TGFBR2: variants seen among roughly 807,000 people sequenced by gnomAD.
TGFBR2 encodes TGF-beta receptor type-2.
A neutral mutation model predicts 49.0 loss-of-function variants in TGFBR2; 18 were observed. The observed-to-expected ratio is 0.37, with a 90% CI of 0.25 to 0.54. TGFBR2 has a LOEUF of 0.54. TGFBR2 is among the 20% of genes least tolerant of loss of function. The pLI, the probability that TGFBR2 is intolerant of heterozygous loss-of-function variation, is 0.85. For synonymous variants in TGFBR2, 282 were observed against 275.9 expected (o/e 1.02, Z -0.22); for missense variants, 525 against 722.6 (o/e 0.73, Z 3.13).
intron 1 of TGFBR2, among the ~76,000 whole-genome samples, chr3:30,628,937 C>T (rs1056503054): frequency 3.9e-5 from 6 of 152,146 alleles, no homozygotes; most frequent in Non-Finnish European, 5.9e-5. Flanking sequence ...TAATACGAGA[C>T]TCATTCCTTA....
Position 30,672,180 on chromosome 3 carries a change from C to G in TGFBR2, c.997C>G (p.Leu333Val), listed in dbSNP as rs1699353812. The change falls in exon 4 of 7, where the codon CTA becomes GTA. Residue 333 changes from leucine to valine, a missense_variant. Leu to Val is a conservative substitution (Grantham distance 32, BLOSUM62 1). Around this residue, in one of 3 missense-constraint regions of TGFBR2, gnomAD observed 376 missense variants for 478.2 expected, o/e 0.79. Coordinates refer to ENST00000295754, the MANE Select transcript of TGFBR2 (RefSeq NM_003242.6). The surrounding 1 kb of genome is among the most constrained non-coding windows in gnomAD (Gnocchi z 4.5). ...LITAFHAKGN[L>V]QEYLTRHVIS... ...CACCGCCTTCCACGCCAAGGGCAAC[C>G]TACAGGAGTACCTGACGCGGCATGT... 6.2e-7 allele frequency: 1 copy of G among 1,613,672 alleles called. No homozygotes were observed. The highest frequency in any genetic ancestry group is 8.5e-7 in the Non-Finnish European group (1 of 1,179,556).
At chr3:30,637,775 G>A (rs1698564676) in intron 1 of TGFBR2, among the ~76,000 whole-genome samples, 1 of 152,110 alleles carries the variant, frequency 6.6e-6, no homozygotes, top group South Asian at 2.1e-4. Flanking sequence ...TTCTCTTGAT[G>A]AGTGGTTAAA....
intron 1 of TGFBR2, among the ~76,000 whole-genome samples, chr3:30,638,258 C>A (rs573712609): frequency 6.8e-4 from 104 of 152,266 alleles, no homozygotes; most frequent in Middle Eastern, 6.8e-3. Context: ...AGAATACTTA[C>A]TATTTAAAAG....
chr3:30,689,602 G>A lies in TGFBR2; in HGVS notation c.1524+1091G>A, dbSNP rs1267651963. ...ACTTCAGCAGACAGACCTTAATAAAGTCCGAGGAGGTTGGCGAGGGGGAAC... is the reference window on the plus strand; with the variant it reads ...ACTTCAGCAGACAGACCTTAATAAAATCCGAGGAGGTTGGCGAGGGGGAAC... On this transcript the variant is annotated intron_variant, in intron 6 of 6. Transcript: ENST00000295754. Among the ~76,000 whole-genome samples the A allele has an allele frequency of 3.0e-4, 46 of 152,244 alleles. 1 individual carries two copies. Among genetic ancestry groups the A allele is most frequent in the Admixed American group, 3.0e-3 (46 of 15,288 alleles).
intron 3 of TGFBR2, among the ~76,000 whole-genome samples, chr3:30,656,993 C>T (rs758572540): frequency 1.3e-5 from 2 of 152,174 alleles, no homozygotes; most frequent in South Asian, 2.1e-4. Flanking sequence ...TTCATAGACT[C>T]ATTACATTTT....
chr3:30,686,477 G>C (rs1699625028), intron 5 of TGFBR2, among the ~76,000 whole-genome samples: 1 of 152,022 alleles, frequency 6.6e-6, no homozygotes, highest in South Asian at 2.1e-4. Context: ...CTATAAAAAA[G>C]AAAATATCCT....
chr3:30,636,011 C>CA (rs374156638), intron 1 of TGFBR2, among the ~76,000 whole-genome samples: 3 of 152,164 alleles, frequency 2.0e-5, no homozygotes, highest in African/African-American at 7.2e-5. Flanking sequence ...TGTTGCCTCT[C>CA]AAACTAGAAT....
intron 1 of TGFBR2, among the ~76,000 whole-genome samples, chr3:30,636,791 G>A (rs992253823): frequency 1.4e-4 from 21 of 152,036 alleles, no homozygotes; most frequent in Non-Finnish European, 2.2e-4. Context: ...CAGGCCAGGC[G>A]TGGTGGCTCA....
intron 3 of TGFBR2, among the ~76,000 whole-genome samples, chr3:30,654,411 G>A (rs778056356): frequency 6.6e-6 from 1 of 152,178 alleles, no homozygotes; most frequent in Non-Finnish European, 1.5e-5. Context: ...GTGGGGCCTA[G>A]TGCCAGTTCC....
chr3:30,643,225 AG>A (rs2125403418), intron 1 of TGFBR2, among the ~76,000 whole-genome samples: 1 of 152,328 alleles, frequency 6.6e-6, no homozygotes, highest in East Asian at 1.9e-4. Context: ...GGCCTCTCTA[AG>A]GGTTATGCCT....
rs1697929586 is a variant in TGFBR2 at position 30,606,791 on chromosome 3, G to C, written c.-93G>C. On this transcript the variant is annotated 5_prime_UTR_variant, in exon 1 of 7. Coordinates refer to ENST00000295754, the MANE Select transcript of TGFBR2 (RefSeq NM_003242.6). ...CGCTGCCGGCCCGGCGCGGGGTCCG[G>C]AGAGGGCGCGGCGCGGAGGCGCAGC... The C allele has an allele frequency of 1.0e-6, 1 of 961,068 alleles. No homozygotes were observed. 59.5% of individuals were successfully genotyped at this position (961,068 alleles called of 1,614,324 possible).
At chr3:30,628,150 TAATCTTA>T (rs1698368688) in intron 1 of TGFBR2, among the ~76,000 whole-genome samples, 1 of 151,558 alleles carries the variant, frequency 6.6e-6, no homozygotes, top group Non-Finnish European at 1.5e-5. Context: ...TTTTTAGTTT[TAATCTTA>T]AAAGGATTAT....
intron 4 of TGFBR2, among the ~76,000 whole-genome samples, chr3:30,673,152 A>C (rs1408366681): frequency 6.6e-6 from 1 of 152,208 alleles, no homozygotes; most frequent in Non-Finnish European, 1.5e-5. Context: ...GTTACTGCTC[A>C]GTCAGCCCTG....
At chr3:30,682,103 T>G (rs1412268433) in intron 5 of TGFBR2, among the ~76,000 whole-genome samples, 1 of 152,194 alleles carries the variant, frequency 6.6e-6, no homozygotes, top group Non-Finnish European at 1.5e-5. Flanking sequence ...ACTCCAGCCC[T>G]TCTGCCTGTT....
In TGFBR2 at chr3:30,676,667, G is replaced by A. The variant is rs1161856380; in HGVS notation, c.1396+2421G>A. 1.3e-5 allele frequency among the ~76,000 whole-genome samples: 2 copies of A among 152,196 alleles called. No homozygotes were observed. Among genetic ancestry groups the A allele is most frequent in the African/African-American group, 4.8e-5 (2 of 41,432 alleles). ...GCAGATTCAGTTGGCACCACTGCTG[G>A]CTCTGATTCTTCATCCTGTTCAGAA... On this transcript the variant is annotated intron_variant, in intron 5 of 6. Transcript: ENST00000295754. This position sits in a 1 kb window ranked among gnomAD's most constrained non-coding sequence, Gnocchi z 4.3.
chr3:30,631,414 A>C (rs77278195), intron 1 of TGFBR2, among the ~76,000 whole-genome samples: 7,333 of 152,126 alleles, frequency 0.048, 344 homozygotes, highest in East Asian at 0.26. Context: ...GACCTTTATG[A>C]TGTTTACTGC....
rs1040607876 is a variant in TGFBR2, at chr3:30,691,311, A to T, written c.1525-109A>T. 1.5e-5 allele frequency: 19 copies of T among 1,227,652 alleles called. No homozygotes were observed. The African/African-American group carries it at 2.5e-4, about 16-fold the overall frequency. The allele number at this position is 1,227,652 out of a possible 1,614,324, so 76.0% of individuals were successfully genotyped here. On this transcript the variant is annotated intron_variant, in intron 6 of 6. Coordinates refer to ENST00000295754, the MANE Select transcript of TGFBR2 (RefSeq NM_003242.6). ...GTCAGCACATGTTAAATGCACAGGCACTTTTGGACCCTGCTTGCACTCACT... is the reference window on the plus strand; with the variant it reads ...GTCAGCACATGTTAAATGCACAGGCTCTTTTGGACCCTGCTTGCACTCACT...
intron 1 of TGFBR2, among the ~76,000 whole-genome samples, chr3:30,608,991 G>T (rs1330489433): frequency 6.6e-6 from 1 of 152,164 alleles, no homozygotes; most frequent in East Asian, 1.9e-4. Flanking sequence ...ACAAGGATAA[G>T]GTTTATGATT....
chr3:30,649,608 TG>T (rs1179004156), intron 2 of TGFBR2, among the ~76,000 whole-genome samples: 17 of 152,176 alleles, frequency 1.1e-4, no homozygotes, highest in African/African-American at 3.9e-4. Flanking sequence ...TTTATTTATT[TG>T]TTTTTTTTGT....
Sources: gnomAD v4.1 joint callset for allele counts (sites outside exome capture counted in the v4.1 genomes callset) on GRCh38, gnomAD v4.1.1 for gene constraint, gnomAD v4.1.1 regional missense constraint, Gnocchi (gnomAD v3.1) non-coding constraint, MANE v1.5 for transcripts, NCBI Gene and HGNC (gene_info 2026-07-23, HGNC 2026-07-21) for gene names.